ANXA8: variants seen among roughly 807,000 people sequenced by gnomAD.
The protein encoded by ANXA8 is annexin A8.
A neutral mutation model predicts 26.8 loss-of-function variants in ANXA8; 9 were observed. The observed-to-expected ratio is 0.34, with a 90% CI of 0.20 to 0.59. The LOEUF is 0.59. Ranked by LOEUF, ANXA8 falls within the 20% of genes least tolerant of loss-of-function variation. The probability of loss-of-function intolerance (pLI) is 0.84; values close to 1 mark genes in which losing one functional copy is unlikely to be tolerated. For missense variants in ANXA8, 83 were observed against 238.5 expected (o/e 0.35, Z 4.29); for synonymous variants, 39 against 94.8 (o/e 0.41, Z 3.42).
the ANXA8 span, chr10:47,491,665 C>T: frequency 6.5e-7 from 1 of 1,538,484 alleles, no homozygotes; most frequent in Non-Finnish European, 8.8e-7. Flanking sequence ...TTCCCCAGGC[C>T]TCCCAGCATC....
At chr10:47,680,628 C>G in the ANXA8 span, among the ~76,000 whole-genome samples, 1 of 149,406 alleles carries the variant, frequency 6.7e-6, no homozygotes, top group South Asian at 2.1e-4. Context: ...GAGCAAGACT[C>G]CATCTCAAAA....
At chr10:47,700,093 T>A in the ANXA8 span, among the ~76,000 whole-genome samples, 3 of 151,990 alleles carry the variant, frequency 2.0e-5, no homozygotes, top group African/African-American at 7.3e-5. Flanking sequence ...TAAGTTAATA[T>A]GTAAATTCAA....
the ANXA8 span, among the ~76,000 whole-genome samples, chr10:47,653,212 T>C: frequency 4.7e-5 from 7 of 150,228 alleles, no homozygotes; most frequent in Non-Finnish European, 2.9e-5. Context: ...CTCAGGAGAT[T>C]GAGGCAGGAG....
chr10:47,528,176 T>A, the ANXA8 span, among the ~76,000 whole-genome samples: 1 of 138,122 alleles, frequency 7.2e-6, no homozygotes, highest in African/African-American at 2.6e-5. Flanking sequence ...GCCTCCTGGG[T>A]TCATGCCATT....
chr10:47,621,443 A>G, the ANXA8 span, among the ~76,000 whole-genome samples: 3 of 111,738 alleles, frequency 2.7e-5, 1 homozygote, highest in East Asian at 2.2e-4. Flanking sequence ...CCAGAGAGGA[A>G]GATACACTAG....
the ANXA8 span, among the ~76,000 whole-genome samples, chr10:47,942,288 A>G: frequency 9.6e-5 from 14 of 145,978 alleles, 1 homozygote; most frequent in African/African-American, 1.9e-4. Context: ...CATTCCTGTA[A>G]GAGAGCTACC....
the ANXA8 span, among the ~76,000 whole-genome samples, chr10:47,762,182 C>A: frequency 0.019 from 2,941 of 150,838 alleles, no homozygotes; most frequent in African/African-American, 0.068. Context: ...TCAAGGTGAG[C>A]ACGCGCTTAG....
chr10:47,505,289 G>A, the ANXA8 span, among the ~76,000 whole-genome samples: 1 of 95,832 alleles, frequency 1.0e-5, no homozygotes, highest in South Asian at 4.3e-4. Flanking sequence ...GCAAAAGTAG[G>A]TACAATGGCT....
chr10:47,720,285 TTTA>T, the ANXA8 span, among the ~76,000 whole-genome samples: 2 of 143,482 alleles, frequency 1.4e-5, no homozygotes, highest in Non-Finnish European at 3.0e-5. Context: ...ATTGGGAGAT[TTTA>T]TTGTCTTCAA....
the ANXA8 span, among the ~76,000 whole-genome samples, chr10:47,762,138 T>C: frequency 6.8e-6 from 1 of 146,148 alleles, no homozygotes; most frequent in East Asian, 2.1e-4. Flanking sequence ...GGCTGGACTC[T>C]TCTCTAACAC....
the ANXA8 span, among the ~76,000 whole-genome samples, chr10:47,957,021 G>A: frequency 9.3e-5 from 14 of 150,508 alleles, no homozygotes; most frequent in East Asian, 4.1e-4. Context: ...AACCTTCCCC[G>A]GAGAGGCTCT....
chr10:47,976,307 T>G, the ANXA8 span, among the ~76,000 whole-genome samples: 5 of 150,750 alleles, frequency 3.3e-5, no homozygotes, highest in South Asian at 2.1e-4. Flanking sequence ...CCAAGTTAGA[T>G]TTATTCAAGA....
At chr10:47,947,828 G>C in the ANXA8 span, among the ~76,000 whole-genome samples, 6 of 150,572 alleles carry the variant, frequency 4.0e-5, no homozygotes, top group South Asian at 2.1e-4. Flanking sequence ...GTACAACAGG[G>C]TTCCCCATGG....
chr10:47,736,568 A>G, the ANXA8 span, among the ~76,000 whole-genome samples: 1 of 149,036 alleles, frequency 6.7e-6, no homozygotes, highest in African/African-American at 2.5e-5. Flanking sequence ...CTCTAAACTG[A>G]ATGGCATAAG....
At chr10:47,918,433 GA>G in the ANXA8 span, among the ~76,000 whole-genome samples, 1 of 25,778 alleles carries the variant, frequency 3.9e-5, no homozygotes, top group East Asian at 4.2e-4. Flanking sequence ...AAGAAAGAAA[GA>G]GAGAGAGAAA....
At chr10:47,474,921 A>T in intron 7 of ANXA8, 24 bp downstream of exon 7, 1 of 1,532,930 alleles carries the variant, frequency 6.5e-7, no homozygotes, top group Non-Finnish European at 8.8e-7. Flanking sequence ...GTGGGGCCAC[A>T]TGGCCGGCTG....
chr10:47,982,465 G>A, the ANXA8 span, among the ~76,000 whole-genome samples: 1 of 147,506 alleles, frequency 6.8e-6, no homozygotes, highest in Non-Finnish European at 1.5e-5. Context: ...GACAATTCAA[G>A]AGGATTAAAA....
the ANXA8 span, among the ~76,000 whole-genome samples, chr10:47,694,234 T>G: frequency 6.6e-6 from 1 of 151,418 alleles, no homozygotes; most frequent in Admixed American, 6.6e-5. Flanking sequence ...TTTGTCTTTT[T>G]AAGAAAAAGA....
At chr10:47,951,031 GA>G in the ANXA8 span, among the ~76,000 whole-genome samples, 2 of 150,412 alleles carry the variant, frequency 1.3e-5, no homozygotes, top group African/African-American at 2.5e-5. Flanking sequence ...AAAGTTCTTT[GA>G]AAAGATCAAT....
Sources: allele counts gnomAD v4.1 joint callset (sites outside exome capture counted in the v4.1 genomes callset), GRCh38; gene constraint gnomAD v4.1.1; transcripts MANE v1.5; gene names NCBI Gene and HGNC (gene_info 2026-07-23, HGNC 2026-07-21).